Variants in NTRK2 observed in about 807,000 individuals in gnomAD.
NTRK2 encodes the protein neurotrophic receptor tyrosine kinase 2.
A neutral mutation model predicts 94.5 loss-of-function variants in NTRK2; 13 were observed. The observed-to-expected ratio is 0.14, with a 90% confidence interval of 0.09 to 0.22. NTRK2 has a LOEUF of 0.22. Ranked by LOEUF, NTRK2 falls within the 10% of genes least tolerant of loss-of-function variation. NTRK2 has a pLI of 1.00. For synonymous variants in NTRK2, 372 were observed against 407.4 expected (o/e 0.91, Z 1.05); for missense variants, 639 against 1,071.2 (o/e 0.60, Z 5.63).
chr9:84,778,907 T>C (rs2067300510), intron 12 of NTRK2, among the ~76,000 whole-genome samples: 1 of 152,202 alleles, frequency 6.6e-6, no homozygotes. Flanking sequence ...GAGGGATATG[T>C]GGAGAGAGCA....
intron 9 of NTRK2, among the ~76,000 whole-genome samples, chr9:84,735,171 A>C (rs371497613): frequency 7.2e-5 from 11 of 152,288 alleles, no homozygotes; most frequent in African/African-American, 2.4e-4. Context: ...TGGTCAACAA[A>C]GTGAGACCCC....
At position 84,948,574 on chromosome 9, in the gene NTRK2, G is replaced by A. The variant is rs895713202; in HGVS notation, c.1877G>A (p.Gly626Asp). 1 of 1,613,928 alleles carries A rather than the reference G, an allele frequency of 6.2e-7. No individual in the cohort carries two copies. The highest frequency in any genetic ancestry group is 2.2e-5 in the East Asian group (1 of 44,864). The change falls in exon 16 of 19, where the codon GGC (glycine) becomes GAC (aspartate). Residue 626 changes from glycine (G) to aspartate (D), a missense_variant. Coordinates refer to ENST00000277120, the MANE Select transcript of NTRK2 (RefSeq NM_006180.6). ...AAGTTCTATGGCGTCTGCGTGGAGG[G>A]CGACCCCCTCATCATGGTCTTTGAG... ...IVKFYGVCVEGDPLIMVFEYM... is the reference protein window; with the variant it reads ...IVKFYGVCVEDDPLIMVFEYM...
intron 17 of NTRK2, among the ~76,000 whole-genome samples, chr9:84,983,864 A>G (rs1251911582): frequency 3.3e-5 from 5 of 152,046 alleles, no homozygotes; most frequent in Admixed American, 3.3e-4. Context: ...GCAGATTTGA[A>G]CTCTAGGGTC....
rs184924278 is a variant in NTRK2, at chr9:84,832,682, A to T, written c.1397-28358A>T. On this transcript the variant is annotated intron_variant, in intron 12 of 18. Transcript: ENST00000277120. ...CTTTAACCTAGATAGAAAACCCCAAACCCCTTGAACCAGCTGCGAAAACAT... is the reference window on the plus strand; with the variant it reads ...CTTTAACCTAGATAGAAAACCCCAATCCCCTTGAACCAGCTGCGAAAACAT... Among the ~76,000 whole-genome samples the T allele has an allele frequency of 3.4e-4, 52 of 151,866 alleles. 2 individuals are homozygous for T. In the East Asian group the frequency reaches 9.7e-3, roughly 28 times the overall value.
chr9:84,862,080 C>A (rs2075365402), intron 13 of NTRK2, among the ~76,000 whole-genome samples: 1 of 152,066 alleles, frequency 6.6e-6, no homozygotes, highest in South Asian at 2.1e-4. Context: ...CCAGATGGGG[C>A]CTGGAGGGGG....
At chr9:84,792,336 A>G (rs1041341748) in intron 12 of NTRK2, among the ~76,000 whole-genome samples, 36 of 152,236 alleles carry the variant, frequency 2.4e-4, no homozygotes, top group African/African-American at 8.2e-4. Context: ...GTAATAAAAT[A>G]AAAAGTATCA....
chr9:84,818,677 C>T (rs572725307), intron 12 of NTRK2, among the ~76,000 whole-genome samples: 4 of 152,188 alleles, frequency 2.6e-5, no homozygotes, highest in Non-Finnish European at 5.9e-5. Context: ...TTTTTATTGC[C>T]TTCAGGTGAA....
rs141756870 is a variant in NTRK2 at position 84,710,887 on chromosome 9, A to G, written c.583+96A>G. On this transcript the variant is annotated intron_variant, in intron 6 of 18. Coordinates refer to ENST00000277120, the MANE Select transcript of NTRK2 (RefSeq NM_006180.6). ...GGAAAATTACCACTACCTGGATTGT[A>G]TATAGTATTCTGTTGATGTCTCCAG... 5 of 1,217,914 alleles carry G rather than the reference A, an allele frequency of 4.1e-6. No individual in the cohort carries two copies. The African/African-American group carries it at 4.5e-5, about 11-fold the overall frequency. 75.4% of individuals were successfully genotyped at this position (1,217,914 alleles called of 1,614,324 possible).
intron 12 of NTRK2, among the ~76,000 whole-genome samples, chr9:84,840,739 G>A (rs1229067496): frequency 6.6e-6 from 1 of 152,018 alleles, no homozygotes; most frequent in Non-Finnish European, 1.5e-5. Context: ...ACCTTCTCTC[G>A]AAAGGGTTCT....
chr9:84,796,704 G>T (rs571544983), intron 12 of NTRK2, among the ~76,000 whole-genome samples: 5 of 152,268 alleles, frequency 3.3e-5, no homozygotes, highest in African/African-American at 1.2e-4. Flanking sequence ...TGGGTTGGTG[G>T]AATATTAGGG....
chr9:85,022,028 A>G lies in NTRK2; in HGVS notation c.*591A>G. The G allele has an allele frequency of 4.3e-6, 1 of 234,310 alleles. No individual in the cohort carries two copies. Among genetic ancestry groups the G allele is most frequent in the Non-Finnish European group, 8.4e-6 (1 of 118,808 alleles). The allele number at this position is 234,310 out of a possible 1,614,324, so 14.5% of individuals were successfully genotyped here. On this transcript the variant is annotated 3_prime_UTR_variant, in exon 19 of 19. Coordinates refer to ENST00000277120, the MANE Select transcript of NTRK2 (RefSeq NM_006180.6). ...TTTTGGATGGCTTAAGCCTGTGTAT[A>G]AAAAAGAAAACTTGTGTTCAATCTG...
At chr9:84,735,386 C>G (rs2132207827) in intron 9 of NTRK2, among the ~76,000 whole-genome samples, 1 of 152,222 alleles carries the variant, frequency 6.6e-6, no homozygotes, top group East Asian at 1.9e-4. Flanking sequence ...TAATGTATTT[C>G]TAACAAGCTC....
At chr9:84,924,236 A>AAAGAAAGAAAGG (rs764295219) in intron 14 of NTRK2, among the ~76,000 whole-genome samples, 232 of 80,366 alleles carry the variant, frequency 2.9e-3, no homozygotes, top group African/African-American at 0.01. Flanking sequence ...AAGTAGAAAG[A>AAAGAAAGAAAGG]AAGAAAGAAA....
intron 12 of NTRK2, among the ~76,000 whole-genome samples, chr9:84,780,568 A>G (rs1199154183): frequency 6.6e-6 from 1 of 152,168 alleles, no homozygotes; most frequent in Non-Finnish European, 1.5e-5. Context: ...GTGAGATGGG[A>G]GCAGAAGTTC....
At chr9:84,704,736 A>C (rs1418911787) in intron 4 of NTRK2, among the ~76,000 whole-genome samples, 1 of 152,206 alleles carries the variant, frequency 6.6e-6, no homozygotes, top group Non-Finnish European at 1.5e-5. Context: ...GACAGAGAGA[A>C]ATAGGCAAGT....
At chr9:84,931,409 A>G (rs1387973725) in intron 14 of NTRK2, among the ~76,000 whole-genome samples, 2 of 146,950 alleles carry the variant, frequency 1.4e-5, no homozygotes, top group African/African-American at 5.3e-5. Flanking sequence ...TCTGTCTCAA[A>G]AAAAAAAAGA....
At chr9:84,885,869 TA>T (rs34660271) in intron 14 of NTRK2, among the ~76,000 whole-genome samples, 2 of 151,894 alleles carry the variant, frequency 1.3e-5, no homozygotes, top group Non-Finnish European at 2.9e-5. Flanking sequence ...CCCTCTCTAC[TA>T]AAAATACAAA....
At chr9:84,687,947 G>T (rs1256155542) in intron 2 of NTRK2, among the ~76,000 whole-genome samples, 1 of 152,012 alleles carries the variant, frequency 6.6e-6, no homozygotes, top group Admixed American at 6.5e-5. Context: ...TGGACAGTTC[G>T]GCCTACACAC....
intron 17 of NTRK2, among the ~76,000 whole-genome samples, chr9:85,009,037 G>T (rs956382125): frequency 1.3e-5 from 2 of 152,178 alleles, no homozygotes; most frequent in African/African-American, 4.8e-5. Context: ...CGTTCAGCTA[G>T]TTGGCAAGTG....
Sources: allele counts gnomAD v4.1 joint callset (sites outside exome capture counted in the v4.1 genomes callset), GRCh38; gene constraint gnomAD v4.1.1; transcripts MANE v1.5; gene names NCBI Gene and HGNC (gene_info 2026-07-23, HGNC 2026-07-21).